CLEC16A: variants seen among roughly 807,000 people sequenced by gnomAD.
CLEC16A encodes C-type lectin domain containing 16A.
In CLEC16A, 51 loss-of-function variants were observed where a neutral mutation model predicts 109.5. The ratio of observed to expected loss-of-function variants is 0.47; its 90% CI spans 0.37 to 0.59. The LOEUF (loss-of-function observed/expected upper bound fraction) is 0.59, where lower values mean the gene tolerates loss of function less well. Ranked by LOEUF, CLEC16A falls within the 20% of genes least tolerant of loss-of-function variation. The probability of loss-of-function intolerance (pLI) is 0.00; values close to 1 mark genes in which losing one functional copy is unlikely to be tolerated. For synonymous variants in CLEC16A, 673 were observed against 564.2 expected, an observed-to-expected ratio of 1.19 and a Z score of -2.73; for missense variants, 1,339 against 1,394.0, an observed-to-expected ratio of 0.96 and a Z score of 0.63.
At chr16:11,142,398 G>T (rs1436162399) in intron 22 of CLEC16A, among the ~76,000 whole-genome samples, 1 of 152,380 alleles carries the variant, frequency 6.6e-6, no homozygotes, top group Middle Eastern at 3.4e-3. Context: ...GATCAAGCAG[G>T]CCTGGAGGTG....
chr16:11,129,825 C>T (rs949811877), intron 22 of CLEC16A, among the ~76,000 whole-genome samples: 1 of 150,078 alleles, frequency 6.7e-6, no homozygotes, highest in Non-Finnish European at 1.5e-5. Flanking sequence ...TGCAGTGGCA[C>T]AGTCTTGGCT....
intron 17 of CLEC16A, chr16:11,048,030 T>A (rs1005524507): frequency 6.6e-6 from 1 of 152,324 alleles, no homozygotes; most frequent in East Asian, 1.9e-4. Flanking sequence ...GGGATTCTCA[T>A]GTGTCTCACC....
At chr16:11,039,958 C>T (rs926372224) in intron 14 of CLEC16A, 82 bp downstream of exon 14, 20 of 1,505,426 alleles carry the variant, frequency 1.3e-5, no homozygotes, top group Non-Finnish European at 1.8e-5. Context: ...GCCCTGGGTG[C>T]TAGGCCTGAG....
intron 19 of CLEC16A, among the ~76,000 whole-genome samples, chr16:11,097,105 C>G (rs184722547): frequency 6.6e-6 from 1 of 152,164 alleles, no homozygotes; most frequent in Non-Finnish European, 1.5e-5. Context: ...GTTTGAACTT[C>G]CCTGTAGCTG....
intron 22 of CLEC16A, among the ~76,000 whole-genome samples, chr16:11,140,917 G>A (rs1394945667): frequency 6.6e-6 from 1 of 152,192 alleles, no homozygotes; most frequent in Non-Finnish European, 1.5e-5. Flanking sequence ...CTTTCAAATG[G>A]GGCTGATGAT....
At chr16:11,044,260 C>T (rs2047511283) in intron 16 of CLEC16A, 188 bp downstream of exon 16, 1 of 426,724 alleles carries the variant, frequency 2.3e-6, no homozygotes, top group Non-Finnish European at 4.0e-6. Flanking sequence ...TCCAAGCTGT[C>T]TTATCAGTAA....
chr16:11,081,774 A>C (rs779895364), intron 19 of CLEC16A, among the ~76,000 whole-genome samples: 1 of 152,256 alleles, frequency 6.6e-6, no homozygotes, highest in Non-Finnish European at 1.5e-5. Flanking sequence ...AGAGAGTTCC[A>C]GTCATTAAAT....
At chr16:11,066,125 G>A (rs543379532) in intron 19 of CLEC16A, among the ~76,000 whole-genome samples, 2 of 152,184 alleles carry the variant, frequency 1.3e-5, no homozygotes, top group Middle Eastern at 3.4e-3. Flanking sequence ...TACCTTAAGG[G>A]AACTGAGTCT....
At chr16:11,030,002 G>T (rs924413850) in intron 13 of CLEC16A, among the ~76,000 whole-genome samples, 1 of 152,016 alleles carries the variant, frequency 6.6e-6, no homozygotes, top group Non-Finnish European at 1.5e-5. Flanking sequence ...CTCTTCATGT[G>T]GCTTCTTTCA....
chr16:10,971,161 A>G lies in CLEC16A; in HGVS notation c.529A>G (p.Lys177Glu). The G allele has an allele frequency of 1.2e-6, 2 of 1,613,824 alleles. No individual in the cohort carries two copies. Among genetic ancestry groups the G allele is most frequent in the Non-Finnish European group, 1.7e-6 (2 of 1,179,752 alleles). The change falls in exon 5 of 24, where the codon AAG becomes GAG. Residue 177 changes from lysine (K) to glutamate (E), a missense_variant. Around this residue, in one of 3 missense-constraint regions of CLEC16A, gnomAD observed 161 missense variants for 267.1 expected, o/e 0.60. Transcript: ENST00000409790. ...CTTTGCCCTGTACACAGAAGCCATC[A>G]AGTTTTTCAACCACCCTGAAAGCAT... Reference protein sequence around the residue: ...NDFALYTEAIKFFNHPESMVR... With the variant: ...NDFALYTEAIEFFNHPESMVR...
intron 19 of CLEC16A, among the ~76,000 whole-genome samples, chr16:11,110,596 A>G (rs2051520239): frequency 2.0e-5 from 3 of 152,354 alleles, no homozygotes; most frequent in South Asian, 4.1e-4. Context: ...CGAGAGAGTC[A>G]TGGCTCCAGA....
At position 11,003,970 on chromosome 16, in the gene CLEC16A, C is replaced by CAAAA. The variant is rs962482634; in HGVS notation, c.1303+681_1303+684dup. On this transcript the variant is annotated intron_variant, in intron 11 of 23. Coordinates refer to ENST00000409790, the MANE Select transcript of CLEC16A (RefSeq NM_015226.3). The stretch of plus-strand genomic sequence containing the variant: ...CCAACATGACGAGATCCTGTCTCTA[C>CAAAA]AAAAAAAAAAAAAAAAAAAGTGTTT... Among the ~76,000 whole-genome samples the CAAAA allele has an allele frequency of 9.0e-4, 52 of 57,974 alleles. No homozygotes were observed. The East Asian group carries it at 0.022, about 25-fold the overall frequency. The allele number at this position is 57,974 out of a possible 152,430, so 38.0% of individuals were successfully genotyped here.
intron 22 of CLEC16A, chr16:11,156,796 T>C (rs538402236): frequency 4.0e-5 from 24 of 604,280 alleles, no homozygotes; most frequent in African/African-American, 3.4e-4. Flanking sequence ...GTTGCACCAC[T>C]GCGAGAGATT....
At chr16:11,170,800 G>A (rs938500921) in intron 23 of CLEC16A, among the ~76,000 whole-genome samples, 2 of 152,340 alleles carry the variant, frequency 1.3e-5, no homozygotes, top group Admixed American at 6.5e-5. Context: ...CAGGCGGGGT[G>A]GCTGAGGCCT....
chr16:11,068,958 GTGCA>G (rs1479638409), intron 19 of CLEC16A, among the ~76,000 whole-genome samples: 1 of 151,170 alleles, frequency 6.6e-6, no homozygotes, highest in East Asian at 1.9e-4. Context: ...GGGATTACAG[GTGCA>G]TGCCATCACG....
chr16:11,084,379 C>G (rs1248863212), intron 19 of CLEC16A, among the ~76,000 whole-genome samples: 1 of 152,082 alleles, frequency 6.6e-6, no homozygotes, highest in African/African-American at 2.4e-5. Context: ...GGCAGAAACC[C>G]CAATTCTTAT....
chr16:10,987,290 C>T (rs992616667), intron 10 of CLEC16A, among the ~76,000 whole-genome samples: 2 of 152,130 alleles, frequency 1.3e-5, no homozygotes, highest in African/African-American at 4.8e-5. Context: ...CTAGTACACC[C>T]TCACAAGCAG....
chr16:10,946,066 T>A (rs935402690), intron 1 of CLEC16A, among the ~76,000 whole-genome samples: 3 of 151,816 alleles, frequency 2.0e-5, no homozygotes, highest in Admixed American at 6.6e-5. Flanking sequence ...TGATGAAAAA[T>A]AGAGATCTGT....
intron 19 of CLEC16A, among the ~76,000 whole-genome samples, chr16:11,091,272 A>G (rs1358129724): frequency 6.6e-6 from 1 of 152,222 alleles, no homozygotes; most frequent in Non-Finnish European, 1.5e-5. Flanking sequence ...CAAAGGGTAA[A>G]AGGGAAGTTG....
Sources: allele counts gnomAD v4.1 joint callset (sites outside exome capture counted in the v4.1 genomes callset), GRCh38; gene constraint gnomAD v4.1.1; regional missense constraint gnomAD v4.1.1; transcripts MANE v1.5; gene names NCBI Gene and HGNC (gene_info 2026-07-23, HGNC 2026-07-21).